The following MGAT5 variants were observed in gnomAD, a reference collection of about 807,000 sequenced individuals.
MGAT5 encodes alpha-1,6-mannosylglycoprotein 6-beta-N-acetylglucosaminyltransferase.
In MGAT5, 30 loss-of-function variants were observed where a neutral mutation model predicts 94.3. The observed-to-expected ratio is 0.32, with a 90% CI of 0.24 to 0.43. The LOEUF (loss-of-function observed/expected upper bound fraction) is 0.43. MGAT5 is among the 20% of genes least tolerant of loss of function. MGAT5 has a pLI of 1.00. For synonymous variants in MGAT5, 310 were observed against 322.9 expected (o/e 0.96, Z 0.43); for missense variants, 691 against 905.5 (o/e 0.76, Z 3.04).
chr2:134,185,308 C>A (rs1688950474), intron 1 of MGAT5, among the ~76,000 whole-genome samples: 1 of 152,182 alleles, frequency 6.6e-6, no homozygotes, highest in Non-Finnish European at 1.5e-5. Context: ...TTTCAATCCC[C>A]TATCTTTACC....
intron 1 of MGAT5, among the ~76,000 whole-genome samples, chr2:134,267,913 C>T (rs1683815964): frequency 6.6e-6 from 1 of 152,234 alleles, no homozygotes. Flanking sequence ...AGTTCTCTCT[C>T]CATGTCTCCA....
chr2:134,264,966 TATC>T (rs1429381281), intron 1 of MGAT5, among the ~76,000 whole-genome samples: 2 of 152,184 alleles, frequency 1.3e-5, no homozygotes, highest in Non-Finnish European at 2.9e-5. Context: ...TGTGCCATAG[TATC>T]ATGGCGGCCG....
chr2:134,174,542 A>C (rs1241413089), intron 1 of MGAT5, among the ~76,000 whole-genome samples: 1 of 152,270 alleles, frequency 6.6e-6, no homozygotes, highest in African/African-American at 2.4e-5. Context: ...TTACCTGGGT[A>C]GCACAGACAT....
At chr2:134,330,494 T>C (rs1687894625) in intron 4 of MGAT5, among the ~76,000 whole-genome samples, 1 of 151,892 alleles carries the variant, frequency 6.6e-6, no homozygotes, top group Non-Finnish European at 1.5e-5. Context: ...CTTGACTTCA[T>C]CCCATGTAAC....
chr2:134,428,528 T>C, intron 14 of MGAT5, 89 bp downstream of exon 14: 1 of 1,195,582 alleles, frequency 8.4e-7, no homozygotes, highest in Non-Finnish European at 1.2e-6. Context: ...GAGCTCACTG[T>C]GTTTCTGTGG....
chr2:134,328,335 T>A (rs1300236968), intron 4 of MGAT5, among the ~76,000 whole-genome samples: 1 of 152,018 alleles, frequency 6.6e-6, no homozygotes, highest in African/African-American at 2.4e-5. Flanking sequence ...TTCCTCCCTG[T>A]CTTGTCAGGG....
intron 8 of MGAT5, among the ~76,000 whole-genome samples, chr2:134,345,962 TA>T (rs1279225665): frequency 6.6e-6 from 1 of 152,186 alleles, no homozygotes; most frequent in Non-Finnish European, 1.5e-5. Context: ...AAATCAATTT[TA>T]AAAGGTGAAT....
chr2:134,143,248 T>C (rs1159337433), intron 1 of MGAT5, among the ~76,000 whole-genome samples: 1 of 152,176 alleles, frequency 6.6e-6, no homozygotes, highest in Non-Finnish European at 1.5e-5. Context: ...ATAAATGTTT[T>C]GGAACTAGAT....
intron 1 of MGAT5, among the ~76,000 whole-genome samples, chr2:134,223,552 A>G (rs534600603): frequency 2.6e-4 from 39 of 152,352 alleles, no homozygotes; most frequent in South Asian, 1.0e-3. Context: ...GAAAAATTAT[A>G]ATCTGCTACT....
At chr2:134,308,169 G>A (rs753764119) in intron 2 of MGAT5, among the ~76,000 whole-genome samples, 22 of 152,190 alleles carry the variant, frequency 1.4e-4, no homozygotes, top group African/African-American at 4.1e-4. Context: ...CAGTCTGTTG[G>A]CTACCATCAT....
In MGAT5 at chr2:134,345,086, G is replaced by T. The variant is rs767538106; in HGVS notation, c.1112+22G>T. 1.8e-5 allele frequency: 28 copies of T among 1,595,558 alleles called. No homozygotes were observed. In the Admixed American group the frequency reaches 3.2e-4, roughly 18 times the overall value. ...ACCAGTAAGTGCTACATGGTGTTCT[G>T]ACTTAAGGTTTTTTTTCCCCTCCTT... On this transcript the variant is annotated intron_variant, in intron 8 of 15. Transcript: ENST00000281923.
intron 2 of MGAT5, among the ~76,000 whole-genome samples, chr2:134,308,132 G>A (rs923233795): frequency 6.6e-6 from 1 of 152,154 alleles, no homozygotes. Context: ...GTGTACATAA[G>A]ATACAGTGGT....
chr2:134,311,358 AC>A (rs1399456668), intron 2 of MGAT5, among the ~76,000 whole-genome samples: 1 of 152,052 alleles, frequency 6.6e-6, no homozygotes, highest in Non-Finnish European at 1.5e-5. Context: ...AAGTTAATGG[AC>A]CTGTGTTCTA....
chr2:134,292,876 G>T (rs1270527745), intron 2 of MGAT5, among the ~76,000 whole-genome samples: 1 of 152,192 alleles, frequency 6.6e-6, no homozygotes, highest in Non-Finnish European at 1.5e-5. Context: ...ACCCCCTGCA[G>T]TTGAGCCACA....
intron 1 of MGAT5, among the ~76,000 whole-genome samples, chr2:134,257,157 TAA>T (rs1045203301): frequency 2.0e-5 from 3 of 152,204 alleles, no homozygotes; most frequent in African/African-American, 7.2e-5. Flanking sequence ...AGAACTGTAC[TAA>T]GAGTGGAAGC....
intron 1 of MGAT5, among the ~76,000 whole-genome samples, chr2:134,138,952 T>G (rs1031852731): frequency 2.6e-5 from 4 of 152,202 alleles, no homozygotes; most frequent in African/African-American, 9.7e-5. Flanking sequence ...GATCTTAAAT[T>G]GTGCCTACTT....
At position 134,203,807 on chromosome 2, in the gene MGAT5, C is replaced by A. The variant is rs193013254; in HGVS notation, c.-142-50455C>A. Among the ~76,000 whole-genome samples the A allele has an allele frequency of 1.2e-3, 176 of 152,236 alleles. 1 individual carries two copies. Among genetic ancestry groups the A allele is most frequent in the Admixed American group, 2.1e-3 (32 of 15,306 alleles). ...TTCTGACTTTAAAAGAAAGAAAATT[C>A]TCATGGGCCCCTAAAAGTTTGGTGG... On this transcript the variant is annotated intron_variant, in intron 1 of 16. Transcript: ENST00000409645.
chr2:134,292,635 C>T (rs1158652192), intron 2 of MGAT5, among the ~76,000 whole-genome samples: 1 of 152,118 alleles, frequency 6.6e-6, no homozygotes, highest in African/African-American at 2.4e-5. Flanking sequence ...TATCCCTCAC[C>T]TTTGCTCTGC....
intron 1 of MGAT5, among the ~76,000 whole-genome samples, chr2:134,149,313 T>C (rs1687067624): frequency 1.3e-5 from 2 of 152,296 alleles, no homozygotes; most frequent in South Asian, 2.1e-4. Flanking sequence ...AGGCAGCTAT[T>C]ACCATTATCC....
Sources: allele counts gnomAD v4.1 joint callset (sites outside exome capture counted in the v4.1 genomes callset), GRCh38; gene constraint gnomAD v4.1.1; transcripts MANE v1.5; gene names NCBI Gene and HGNC (gene_info 2026-07-23, HGNC 2026-07-21).